FGGY: variants seen among roughly 807,000 people sequenced by gnomAD.
The protein encoded by FGGY is FGGY carbohydrate kinase domain-containing protein.
Under a neutral mutation model 71.3 loss-of-function variants are expected in FGGY, and 72 were observed. That is an observed-to-expected ratio of 1.01 (90% CI 0.84 to 1.23). The LOEUF is 1.23. Ranked by LOEUF, FGGY falls within the 50% of genes most tolerant of loss-of-function variation. The pLI is 0.00. For synonymous variants in FGGY, 251 were observed against 250.3 expected, an observed-to-expected ratio of 1.00 and a Z score of -0.02; for missense variants, 668 against 682.3, an observed-to-expected ratio of 0.98 and a Z score of 0.23.
chr1:59,514,447 C>A (rs1203736569), intron 7 of FGGY, among the ~76,000 whole-genome samples: 3 of 152,192 alleles, frequency 2.0e-5, no homozygotes, highest in African/African-American at 4.8e-5. Context: ...TGTCAATGAC[C>A]CTCACCTTTT....
At chr1:59,538,087 C>T (rs2095365276) in intron 7 of FGGY, among the ~76,000 whole-genome samples, 2 of 152,160 alleles carry the variant, frequency 1.3e-5, no homozygotes, top group Admixed American at 1.3e-4. Context: ...AAAATTTTCA[C>T]AACCTGCTCA....
chr1:59,648,477 AT>A (rs1272844641), intron 11 of FGGY, among the ~76,000 whole-genome samples: 1 of 127,382 alleles, frequency 7.9e-6, no homozygotes, highest in Non-Finnish European at 1.6e-5. Flanking sequence ...TGTGGTTTTG[AT>A]TTGCATTTCT....
intron 11 of FGGY, among the ~76,000 whole-genome samples, chr1:59,645,377 T>C (rs1243662433): frequency 6.6e-6 from 1 of 152,154 alleles, no homozygotes; most frequent in African/African-American, 2.4e-5. Context: ...TGTGTGGCTT[T>C]TGAACCCTGA....
intron 6 of FGGY, among the ~76,000 whole-genome samples, chr1:59,464,457 T>G (rs996878847): frequency 1.3e-5 from 2 of 152,016 alleles, no homozygotes; most frequent in Non-Finnish European, 2.9e-5. Context: ...TTAAAAGAAC[T>G]AGAGAAGCAA....
At chr1:59,583,768 C>A (rs1393536167) in intron 8 of FGGY, among the ~76,000 whole-genome samples, 2 of 142,064 alleles carry the variant, frequency 1.4e-5, no homozygotes, top group Non-Finnish European at 3.0e-5. Context: ...CCAGGAGAGC[C>A]AGTGGAGCAC....
chr1:59,512,303 C>T lies in FGGY; in HGVS notation c.671-8C>T. Reference sequence around the variant, plus strand: ...TGATGGTGTTTGTTTTTTCTCATGTCTACCCAGGAAACCAAGTGCTACCTC... The same window carrying T: ...TGATGGTGTTTGTTTTTTCTCATGTTTACCCAGGAAACCAAGTGCTACCTC... On this transcript the variant is annotated splice_polypyrimidine_tract_variant and splice_region_variant and intron_variant, in intron 6 of 15. Transcript: ENST00000303721. 1.9e-6 allele frequency: 3 copies of T among 1,598,984 alleles called. No individual in the cohort carries two copies. In the Admixed American group the frequency reaches 5.2e-5, roughly 28 times the overall value.
chr1:59,387,505 T>C (rs1242012121), intron 5 of FGGY, among the ~76,000 whole-genome samples: 1 of 152,222 alleles, frequency 6.6e-6, no homozygotes, highest in Non-Finnish European at 1.5e-5. Flanking sequence ...ATTAGTGTTA[T>C]ATATTTCAAT....
chr1:59,447,195 A>G (rs1169558160), intron 5 of FGGY, among the ~76,000 whole-genome samples: 1 of 152,246 alleles, frequency 6.6e-6, no homozygotes, highest in Non-Finnish European at 1.5e-5. Context: ...GATGGTGATT[A>G]TAGTAGCTTT....
At chr1:59,449,689 G>A (rs1014517799) in intron 5 of FGGY, among the ~76,000 whole-genome samples, 12 of 151,904 alleles carry the variant, frequency 7.9e-5, no homozygotes, top group African/African-American at 2.2e-4. Context: ...CAGGCACTGC[G>A]ACTCACCTCA....
intron 8 of FGGY, among the ~76,000 whole-genome samples, chr1:59,593,121 C>T (rs1487931393): frequency 3.3e-5 from 5 of 152,170 alleles, no homozygotes; most frequent in Non-Finnish European, 2.9e-5. Context: ...CTGTGTGGGA[C>T]ATTTATGTGG....
rs74085966 is a variant in FGGY, at chr1:59,345,051, G to A, written c.314-1196G>A. Among the ~76,000 whole-genome samples the A allele has an allele frequency of 5.4e-3, 815 of 152,202 alleles. 6 individuals are homozygous for A. Among genetic ancestry groups the A allele is most frequent in the African/African-American group, 0.018 (765 of 41,528 alleles). On this transcript the variant is annotated intron_variant, in intron 3 of 15. Transcript: ENST00000303721. ...TTCCCAGCTGTGAGACATTGGGTAC[G>A]TCTTCACTTTCAAGAGTCTGTCATT...
At chr1:59,644,411 AG>A (rs1489612744) in intron 11 of FGGY, among the ~76,000 whole-genome samples, 1 of 152,134 alleles carries the variant, frequency 6.6e-6, no homozygotes, top group Non-Finnish European at 1.5e-5. Flanking sequence ...GAGGTGGAGG[AG>A]GTGGGGGATG....
intron 10 of FGGY, among the ~76,000 whole-genome samples, chr1:59,637,469 C>T (rs1391401496): frequency 2.0e-5 from 3 of 152,008 alleles, no homozygotes; most frequent in Non-Finnish European, 4.4e-5. Context: ...CCCGTCTCTA[C>T]TAAAAATACA....
chr1:59,404,335 A>G (rs561472243), intron 5 of FGGY, among the ~76,000 whole-genome samples: 1 of 152,244 alleles, frequency 6.6e-6, no homozygotes, highest in Admixed American at 6.5e-5. Context: ...ACAAACCTGC[A>G]CGGCATGCAC....
intron 7 of FGGY, among the ~76,000 whole-genome samples, chr1:59,548,438 G>A (rs1464850269): frequency 6.6e-6 from 1 of 152,156 alleles, no homozygotes; most frequent in Admixed American, 6.5e-5. Flanking sequence ...CAGCAACTTT[G>A]TGGGTGAGTA....
At chr1:59,544,727 C>T (rs1486117118) in intron 7 of FGGY, among the ~76,000 whole-genome samples, 1 of 152,138 alleles carries the variant, frequency 6.6e-6, no homozygotes, top group Non-Finnish European at 1.5e-5. Flanking sequence ...GGTGTGTTCA[C>T]TTACAGAAGT....
intron 6 of FGGY, among the ~76,000 whole-genome samples, chr1:59,497,772 T>C (rs2153600792): frequency 6.6e-6 from 1 of 152,328 alleles, no homozygotes; most frequent in East Asian, 1.9e-4. Context: ...TTCTTCCCCA[T>C]GTCAGTTGGC....
intron 5 of FGGY, among the ~76,000 whole-genome samples, chr1:59,408,409 C>A (rs774705626): frequency 6.6e-6 from 1 of 152,036 alleles, no homozygotes; most frequent in African/African-American, 2.4e-5. Context: ...GCTCAGACAC[C>A]TTTTGCTGTT....
intron 11 of FGGY, among the ~76,000 whole-genome samples, chr1:59,640,237 G>A (rs1005605133): frequency 6.6e-6 from 1 of 152,196 alleles, no homozygotes; most frequent in Admixed American, 6.5e-5. Flanking sequence ...ACTGGAAGGA[G>A]AAGATGACCT....
Sources: gnomAD v4.1 joint callset for allele counts (sites outside exome capture counted in the v4.1 genomes callset) on GRCh38, gnomAD v4.1.1 for gene constraint, MANE v1.5 for transcripts, NCBI Gene and HGNC (gene_info 2026-07-23, HGNC 2026-07-21) for gene names.